ATP6V1H: variants seen among roughly 807,000 people sequenced by gnomAD.
The protein encoded by ATP6V1H is ATPase H+ transporting V1 subunit H.
ATP6V1H carries 39 observed loss-of-function variants against 71.7 expected under a neutral mutation model. That is an observed-to-expected ratio of 0.54 (90% CI 0.42 to 0.71). The LOEUF is 0.71. Ranked by LOEUF, ATP6V1H falls within the 30% of genes least tolerant of loss-of-function variation. The pLI is 0.00. For synonymous variants in ATP6V1H, 192 were observed against 199.3 expected (o/e 0.96, Z 0.31); for missense variants, 509 against 594.9 (o/e 0.86, Z 1.50).
intron 4 of ATP6V1H, among the ~76,000 whole-genome samples, chr8:53,821,894 C>A (rs1175558665): frequency 6.6e-6 from 1 of 152,126 alleles, no homozygotes; most frequent in Non-Finnish European, 1.5e-5. Flanking sequence ...CGTAACAATG[C>A]AAACTGAATT....
intron 11 of ATP6V1H, among the ~76,000 whole-genome samples, chr8:53,760,675 G>A (rs1330000384): frequency 6.6e-6 from 1 of 152,168 alleles, no homozygotes; most frequent in Non-Finnish European, 1.5e-5. Context: ...GACCCATACA[G>A]ATTCACAACT....
At chr8:53,730,350 T>C (rs1042877477) in intron 13 of ATP6V1H, among the ~76,000 whole-genome samples, 1 of 152,268 alleles carries the variant, frequency 6.6e-6, no homozygotes, top group African/African-American at 2.4e-5. Context: ...TCAACTAAGA[T>C]ATTCTCACTA....
At chr8:53,787,803 T>C (rs1266407907) in intron 9 of ATP6V1H, among the ~76,000 whole-genome samples, 1 of 152,138 alleles carries the variant, frequency 6.6e-6, no homozygotes, top group Non-Finnish European at 1.5e-5. Flanking sequence ...AGACCTGGAG[T>C]ACAGCATGCA....
intron 8 of ATP6V1H, among the ~76,000 whole-genome samples, chr8:53,798,052 A>C (rs1325518883): frequency 1.3e-5 from 2 of 152,214 alleles, no homozygotes; most frequent in African/African-American, 4.8e-5. Flanking sequence ...TTAGGAAGTT[A>C]ATGTTAACCT....
chr8:53,744,906 T>G (rs1807546444), intron 12 of ATP6V1H, among the ~76,000 whole-genome samples: 2 of 152,116 alleles, frequency 1.3e-5, no homozygotes, highest in African/African-American at 4.8e-5. Context: ...GACAAGGACA[T>G]CTTCACAGCG....
intron 2 of ATP6V1H, 22 bp from the exon 3 acceptor site, chr8:53,833,108 T>G (rs748947260): frequency 2.5e-6 from 4 of 1,582,340 alleles, no homozygotes; most frequent in Non-Finnish European, 3.5e-6. Context: ...GAATAAGATG[T>G]TTTGTTCAGT....
At chr8:53,769,188 C>T (rs189461296) in intron 11 of ATP6V1H, among the ~76,000 whole-genome samples, 5 of 152,116 alleles carry the variant, frequency 3.3e-5, no homozygotes, top group Admixed American at 3.3e-4. Context: ...TCTTCATGAC[C>T]TTGAGTAGGC....
intron 2 of ATP6V1H, among the ~76,000 whole-genome samples, chr8:53,837,241 A>C (rs1811187175): frequency 6.6e-6 from 1 of 152,162 alleles, no homozygotes; most frequent in African/African-American, 2.4e-5. Flanking sequence ...CAAGCATGTT[A>C]CTTCCTTTTC....
intron 9 of ATP6V1H, among the ~76,000 whole-genome samples, chr8:53,775,251 C>A (rs1297559101): frequency 1.3e-5 from 2 of 152,120 alleles, no homozygotes; most frequent in Non-Finnish European, 2.9e-5. Flanking sequence ...AAGCTGCAGA[C>A]CTCCACGGTA....
At chr8:53,816,452 T>G (rs896124820) in intron 5 of ATP6V1H, among the ~76,000 whole-genome samples, 6 of 152,194 alleles carry the variant, frequency 3.9e-5, no homozygotes, top group African/African-American at 1.4e-4. Flanking sequence ...TGCTTTCAGA[T>G]TCCATGAAAA....
chr8:53,799,450 TG>T (rs1367981260), intron 8 of ATP6V1H, among the ~76,000 whole-genome samples: 1 of 152,212 alleles, frequency 6.6e-6, no homozygotes, highest in Non-Finnish European at 1.5e-5. Context: ...ACACCATTTT[TG>T]TAGTTCACCT....
intron 9 of ATP6V1H, among the ~76,000 whole-genome samples, chr8:53,777,339 TA>T (rs1808927902): frequency 6.6e-6 from 1 of 151,884 alleles, no homozygotes; most frequent in Non-Finnish European, 1.5e-5. Flanking sequence ...TAACACATTA[TA>T]TACAGGGGAA....
intron 13 of ATP6V1H, among the ~76,000 whole-genome samples, chr8:53,734,778 G>A (rs942895023): frequency 6.6e-6 from 1 of 152,080 alleles, no homozygotes; most frequent in African/African-American, 2.4e-5. Context: ...GCTACCGGGC[G>A]TCAGTCACAG....
chr8:53,748,640 TA>T (rs1336777193), intron 12 of ATP6V1H, among the ~76,000 whole-genome samples: 1 of 152,178 alleles, frequency 6.6e-6, no homozygotes, highest in African/African-American at 2.4e-5. Context: ...ATGCAGGAGA[TA>T]AAATAGGAGA....
chr8:53,763,954 A>C (rs984031398), intron 11 of ATP6V1H, among the ~76,000 whole-genome samples: 3 of 152,234 alleles, frequency 2.0e-5, no homozygotes, highest in Admixed American at 6.5e-5. Flanking sequence ...GTCTTATGGA[A>C]GTTAGGTGGC....
chr8:53,833,129 T>G, intron 2 of ATP6V1H, 43 bp from the exon 3 acceptor site: 1 of 1,502,046 alleles, frequency 6.7e-7, no homozygotes, highest in East Asian at 2.3e-5. Context: ...AAGAGTTGAA[T>G]ATGTAAGCAA....
intron 12 of ATP6V1H, among the ~76,000 whole-genome samples, chr8:53,755,723 TATATATATATATATATATATA>T (rs1173891029): frequency 0.012 from 92 of 7,948 alleles, 2 homozygotes; most frequent in African/African-American, 0.03. Flanking sequence ...TATATATATA[TATATATATATATATATATATA>T]TTTTTTTTTT....
chr8:53,827,595 G>A (rs539191448), intron 4 of ATP6V1H, among the ~76,000 whole-genome samples: 1 of 151,956 alleles, frequency 6.6e-6, no homozygotes, highest in Admixed American at 6.5e-5. Flanking sequence ...CTTGTTTTTT[G>A]TGTGTATGTG....
At chr8:53,820,666 CAA>C (rs111738763) in intron 4 of ATP6V1H, among the ~76,000 whole-genome samples, 19 of 73,622 alleles carry the variant, frequency 2.6e-4, no homozygotes, top group Middle Eastern at 7.0e-3. Context: ...GATTTTATCT[CAA>C]AAAAAAAAAA....
Sources: allele counts gnomAD v4.1 joint callset (sites outside exome capture counted in the v4.1 genomes callset), GRCh38; gene constraint gnomAD v4.1.1; transcripts MANE v1.5; gene names NCBI Gene and HGNC (gene_info 2026-07-23, HGNC 2026-07-21).